The following ROR2 variants were observed in gnomAD, a reference collection of about 807,000 sequenced individuals.
ROR2 encodes ROR family WNT receptor 2.
ROR2 carries 33 observed loss-of-function variants against 74.9 expected under a neutral mutation model. That is an observed-to-expected ratio of 0.44 (90% CI 0.33 to 0.59). The LOEUF is 0.59. Ranked by LOEUF, ROR2 falls within the 20% of genes least tolerant of loss-of-function variation. The probability of loss-of-function intolerance (pLI) is 0.02; values close to 1 mark genes in which losing one functional copy is unlikely to be tolerated. For synonymous variants in ROR2, 586 were observed against 558.7 expected (o/e 1.05, Z -0.69); for missense variants, 1,216 against 1,313.8 (o/e 0.93, Z 1.15).
chr9:91,821,755 G>A lies in ROR2; in HGVS notation c.98-45937C>T, dbSNP rs77420307. Among the ~76,000 whole-genome samples the A allele has an allele frequency of 3.0e-3, 461 of 152,252 alleles. 4 individuals are homozygous for A. The highest frequency in any genetic ancestry group is 9.9e-3 in the African/African-American group (411 of 41,530). On this transcript the variant is annotated intron_variant, in intron 1 of 8. Transcript: ENST00000375708. ...TTACTGCCCTGGCGAAGATCCTCACGTCTCTGCCTTAGACAAGGACTCCAG... is the reference window on the plus strand; with the variant it reads ...TTACTGCCCTGGCGAAGATCCTCACATCTCTGCCTTAGACAAGGACTCCAG...
chr9:91,805,533 C>T (rs1272601757), intron 1 of ROR2, among the ~76,000 whole-genome samples: 1 of 152,168 alleles, frequency 6.6e-6, no homozygotes, highest in Non-Finnish European at 1.5e-5. Context: ...TCCCCCTAGC[C>T]GGAGAGGCAC....
At chr9:91,751,088 C>T (rs1199694050) in intron 4 of ROR2, among the ~76,000 whole-genome samples, 2 of 152,104 alleles carry the variant, frequency 1.3e-5, no homozygotes, top group African/African-American at 2.4e-5. Context: ...GATGCACACC[C>T]GTAATCCTGC....
intron 3 of ROR2, 114 bp from the exon 4 acceptor site, chr9:91,756,215 A>G (rs1825745379): frequency 2.0e-6 from 2 of 1,000,738 alleles, no homozygotes; most frequent in East Asian, 5.0e-5. Flanking sequence ...ACTGGTGGGC[A>G]GCTGTCCTCG....
chr9:91,819,466 GTGTGTCTCTT>G (rs1447478386), intron 1 of ROR2, among the ~76,000 whole-genome samples: 4 of 152,114 alleles, frequency 2.6e-5, no homozygotes, highest in Non-Finnish European at 5.9e-5. Flanking sequence ...GTATGTGTCT[GTGTGTCTCTT>G]TGTGTATCTT....
intron 1 of ROR2, among the ~76,000 whole-genome samples, chr9:91,909,255 C>G (rs572567155): frequency 6.6e-6 from 1 of 151,990 alleles, no homozygotes; most frequent in African/African-American, 2.4e-5. Flanking sequence ...TGATGCACAC[C>G]CCCTCTGCAT....
intron 4 of ROR2, among the ~76,000 whole-genome samples, chr9:91,748,148 G>A (rs936565779): frequency 3.3e-5 from 5 of 152,146 alleles, no homozygotes; most frequent in African/African-American, 1.2e-4. Flanking sequence ...GGTGGTGCAC[G>A]CCTGTAATCC....
rs1416340151 is a variant in ROR2 at position 91,722,678 on chromosome 9, G to A, written c.*984C>T. ...CAACAATGTGTGCGGGGCACAGACG[G>A]CTGCCTGTGGGTCTGTGTGTAACAG... On this transcript the variant is annotated 3_prime_UTR_variant, in exon 9 of 9. Coordinates refer to ENST00000375708, the MANE Select transcript of ROR2 (RefSeq NM_004560.4). The A allele has an allele frequency of 1.9e-5, 15 of 772,292 alleles. No individual in the cohort carries two copies. The highest frequency in any genetic ancestry group is 3.4e-5 in the Non-Finnish European group (14 of 414,294). 47.8% of individuals were successfully genotyped at this position (772,292 alleles called of 1,614,324 possible).
intron 1 of ROR2, among the ~76,000 whole-genome samples, chr9:91,909,848 T>TTTG (rs1830921070): frequency 1.0e-4 from 3 of 30,068 alleles, no homozygotes; most frequent in African/African-American, 2.5e-4. Flanking sequence ...GTTTGTTTTG[T>TTTG]TTTTTTTTTT....
chr9:91,739,973 C>T (rs1825162798), intron 4 of ROR2, among the ~76,000 whole-genome samples: 1 of 152,196 alleles, frequency 6.6e-6, no homozygotes, highest in Admixed American at 6.5e-5. Context: ...TAAGACATGC[C>T]TGATCAGATT....
chr9:91,733,251 T>A lies in ROR2; in HGVS notation c.808A>T (p.Ile270Phe), dbSNP rs145631389. 1.9e-6 allele frequency: 3 copies of A among 1,612,704 alleles called. No individual in the cohort carries two copies. The African/African-American group carries it at 4.0e-5, about 22-fold the overall frequency. The change falls in exon 6 of 9, where the codon ATC becomes TTC. Residue 270 changes from isoleucine to phenylalanine, a missense_variant. Physicochemically the swap from Ile to Phe is conservative, Grantham distance 21. Coordinates refer to ENST00000375708, the MANE Select transcript of ROR2 (RefSeq NM_004560.4). The surrounding 1 kb of genome is among the most constrained non-coding windows in gnomAD (Gnocchi z 5.7). ...ESDLCRQEYT[I>F]ARSNPLILMR... ...AGGATGAGCGGGTTGGAGCGGGCGA[T>A]GGTGTACTCCTGGCGGCACAGGTCG...
Position 91,724,047 on chromosome 9 carries a change from T to C in ROR2, c.2447A>G (p.Gln816Arg). Reference sequence around the variant, plus strand: ...GTAGCCGTTGACGGGGACGTAGAGCTGCGGCGGGGGCACCATGGGTCTGAT... The same window carrying C: ...GTAGCCGTTGACGGGGACGTAGAGCCGCGGCGGGGGCACCATGGGTCTGAT... ...GQIRPMVPPP[Q>R]LYVPVNGYQP... is the part of the protein sequence containing the mutation. Residue 816 changes from glutamine to arginine, a missense_variant, in exon 9 of 9, where the codon CAG becomes CGG. Gln to Arg is a conservative substitution (Grantham distance 43, BLOSUM62 1). Transcript: ENST00000375708. 2 of 1,611,584 alleles carry C rather than the reference T, an allele frequency of 1.2e-6. No individual in the cohort carries two copies. Among genetic ancestry groups the C allele is most frequent in the South Asian group, 1.1e-5 (1 of 91,056 alleles).
At chr9:91,902,502 G>T (rs1343232029) in intron 1 of ROR2, among the ~76,000 whole-genome samples, 2 of 151,996 alleles carry the variant, frequency 1.3e-5, no homozygotes, top group Non-Finnish European at 2.9e-5. Flanking sequence ...GAGCTGGGTG[G>T]TCGTGGCTGT....
intron 8 of ROR2, 128 bp downstream of exon 8, chr9:91,726,413 T>C: frequency 1.1e-6 from 1 of 935,118 alleles, no homozygotes; most frequent in East Asian, 2.4e-5. Context: ...AATGGCAAAA[T>C]GAAGCGGAGT....
intron 1 of ROR2, among the ~76,000 whole-genome samples, chr9:91,839,251 G>GTGTGTGTGT (rs1828705225): frequency 9.3e-6 from 1 of 107,714 alleles, no homozygotes. Flanking sequence ...TCAGATCGGG[G>GTGTGTGTGT]GTGTGTGTGT....
chr9:91,822,696 G>T (rs1026040505), intron 1 of ROR2, among the ~76,000 whole-genome samples: 1 of 152,254 alleles, frequency 6.6e-6, no homozygotes, highest in East Asian at 1.9e-4. Flanking sequence ...TCCAAGTATC[G>T]TCCTACAGAT....
chr9:91,912,116 A>G (rs908392723), intron 1 of ROR2, among the ~76,000 whole-genome samples: 1 of 151,774 alleles, frequency 6.6e-6, no homozygotes, highest in Non-Finnish European at 1.5e-5. Flanking sequence ...GGATCACACA[A>G]AACAGACATT....
At chr9:91,945,284 T>C (rs539121235) in intron 1 of ROR2, among the ~76,000 whole-genome samples, 4 of 152,348 alleles carry the variant, frequency 2.6e-5, no homozygotes, top group Non-Finnish European at 5.9e-5. Flanking sequence ...TGGTGGCTAC[T>C]ATATTCCACA....
intron 1 of ROR2, among the ~76,000 whole-genome samples, chr9:91,929,583 C>T (rs1831498196): frequency 6.6e-6 from 1 of 152,124 alleles, no homozygotes; most frequent in South Asian, 2.1e-4. Flanking sequence ...GCCTCTGGTC[C>T]CCACGGGCAT....
intron 1 of ROR2, among the ~76,000 whole-genome samples, chr9:91,854,549 C>A (rs1463586721): frequency 6.6e-6 from 1 of 152,324 alleles, no homozygotes; most frequent in East Asian, 1.9e-4. Flanking sequence ...GTGAAGGAGA[C>A]TGGCCTTCCT....
Sources: gnomAD v4.1 joint callset for allele counts (sites outside exome capture counted in the v4.1 genomes callset) on GRCh38, gnomAD v4.1.1 for gene constraint, Gnocchi (gnomAD v3.1) non-coding constraint, MANE v1.5 for transcripts, NCBI Gene and HGNC (gene_info 2026-07-23, HGNC 2026-07-21) for gene names.